CDH4: variants seen among roughly 807,000 people sequenced by gnomAD.
CDH4 encodes the protein cadherin 4.
A neutral mutation model predicts 86.0 loss-of-function variants in CDH4; 33 were observed. The ratio of observed to expected loss-of-function variants is 0.38; its 90% CI spans 0.29 to 0.51. The LOEUF (loss-of-function observed/expected upper bound fraction) is 0.51. Ranked by LOEUF, CDH4 falls within the 20% of genes least tolerant of loss-of-function variation. The pLI, the probability that CDH4 is intolerant of heterozygous loss-of-function variation, is 0.86. For synonymous variants in CDH4, 555 were observed against 549.4 expected (o/e 1.01, Z -0.14); for missense variants, 1,114 against 1,307.4 (o/e 0.85, Z 2.28).
intron 3 of CDH4, among the ~76,000 whole-genome samples, chr20:61,766,312 C>G (rs74755259): frequency 6.6e-6 from 1 of 152,074 alleles, no homozygotes; most frequent in African/African-American, 2.4e-5. Flanking sequence ...TGGGACACCC[C>G]GAGTTCGCCT....
chr20:61,929,857 G>T lies in CDH4; in HGVS notation c.2239+15G>T, dbSNP rs1461931633. Reference sequence around the variant, plus strand: ...CATCCTGCTGAGTGAGTGTGGCTGAGCACCAGGGTGGGCAGGGGCATTGTG... The same window carrying T: ...CATCCTGCTGAGTGAGTGTGGCTGATCACCAGGGTGGGCAGGGGCATTGTG... On this transcript the variant is annotated intron_variant, in intron 13 of 15. Transcript: ENST00000614565. 1 of 1,604,942 alleles carries T rather than the reference G, an allele frequency of 6.2e-7. No individual in the cohort carries two copies. Among genetic ancestry groups the T allele is most frequent in the Non-Finnish European group, 8.5e-7 (1 of 1,172,174 alleles).
intron 1 of CDH4, among the ~76,000 whole-genome samples, chr20:61,253,822 C>G (rs1222328145): frequency 6.6e-6 from 1 of 152,024 alleles, no homozygotes; most frequent in Non-Finnish European, 1.5e-5. Context: ...GGGCGGGCGA[C>G]GGCAGCGCGC....
intron 2 of CDH4, among the ~76,000 whole-genome samples, chr20:61,578,939 G>A (rs1035117514): frequency 2.0e-5 from 3 of 152,156 alleles, no homozygotes; most frequent in South Asian, 2.1e-4. Flanking sequence ...ATTCGGTCTT[G>A]TGGGAAGGAA....
intron 2 of CDH4, among the ~76,000 whole-genome samples, chr20:61,710,910 T>C (rs538130100): frequency 1.3e-5 from 2 of 152,356 alleles, no homozygotes; most frequent in South Asian, 2.1e-4. Flanking sequence ...TTCCTGTCAC[T>C]GCTCTAACAA....
intron 2 of CDH4, among the ~76,000 whole-genome samples, chr20:61,507,048 CGTTTTG>C (rs2085745933): frequency 6.6e-6 from 1 of 152,160 alleles, no homozygotes; most frequent in Non-Finnish European, 1.5e-5. Flanking sequence ...AAATATGCCC[CGTTTTG>C]AGACTTTTGA....
In CDH4 at chr20:61,811,067, G is replaced by A. The variant is rs1223010928; in HGVS notation, c.577-33601G>A. On this transcript the variant is annotated intron_variant, in intron 4 of 15. Transcript: ENST00000614565. This position sits in a 1 kb window ranked among gnomAD's most constrained non-coding sequence, Gnocchi z 4.4. ...CGCGGTGCTGACTGCCGCATCCTCAGCAGCCGCGCCACATCCTCAGCAGCC... is the reference window on the plus strand; with the variant it reads ...CGCGGTGCTGACTGCCGCATCCTCAACAGCCGCGCCACATCCTCAGCAGCC... 6.6e-6 allele frequency among the ~76,000 whole-genome samples: 1 copy of A among 152,148 alleles called. No homozygotes were observed. Among genetic ancestry groups the A allele is most frequent in the Non-Finnish European group, 1.5e-5 (1 of 68,032 alleles).
intron 2 of CDH4, among the ~76,000 whole-genome samples, chr20:61,466,317 C>G (rs1016039307): frequency 6.6e-6 from 1 of 152,172 alleles, no homozygotes. Flanking sequence ...CCAAGATAGG[C>G]GGCTTTGCTG....
At chr20:61,893,690 G>GTGGA (rs1176316883) in intron 7 of CDH4, among the ~76,000 whole-genome samples, 5 of 146,930 alleles carry the variant, frequency 3.4e-5, no homozygotes, top group African/African-American at 1.3e-4. Context: ...GAGTGGGTGA[G>GTGGA]TGGATGGATG....
In CDH4 at chr20:61,839,082, G is replaced by A. The variant is rs76233251; in HGVS notation, c.577-5586G>A. Among the ~76,000 whole-genome samples, 1,115 of 152,268 alleles carry A rather than the reference G, an allele frequency of 7.3e-3. 33 individuals are homozygous for A. The East Asian group carries it at 0.098, about 13-fold the overall frequency. On this transcript the variant is annotated intron_variant, in intron 4 of 15. Transcript: ENST00000614565. ...TCTGTTTTCCTGGGAACATCTCTGG[G>A]CTTAATATCATAGAAGGAGAAAGCT...
chr20:61,732,996 C>T (rs1229457835), intron 2 of CDH4, among the ~76,000 whole-genome samples: 2 of 152,176 alleles, frequency 1.3e-5, no homozygotes, highest in African/African-American at 4.8e-5. Flanking sequence ...TTCTCCCCCT[C>T]TAGACCCCAG....
intron 2 of CDH4, among the ~76,000 whole-genome samples, chr20:61,662,651 C>G (rs1345945964): frequency 6.6e-6 from 1 of 152,208 alleles, no homozygotes; most frequent in Non-Finnish European, 1.5e-5. Flanking sequence ...ACTCAGTCCC[C>G]AGGCTGATTA....
chr20:61,569,722 C>G (rs546796447), intron 2 of CDH4, among the ~76,000 whole-genome samples: 11 of 152,258 alleles, frequency 7.2e-5, no homozygotes, highest in Admixed American at 2.0e-4. Context: ...AATCAAGATG[C>G]CATCCCAGAG....
At chr20:61,547,757 T>C (rs1045237858) in intron 2 of CDH4, among the ~76,000 whole-genome samples, 4 of 152,228 alleles carry the variant, frequency 2.6e-5, no homozygotes, top group Admixed American at 6.5e-5. Flanking sequence ...GGAATGGCCC[T>C]GTTGCCACTT....
intron 2 of CDH4, among the ~76,000 whole-genome samples, chr20:61,429,394 G>A (rs1237710629): frequency 6.6e-6 from 1 of 152,184 alleles, no homozygotes; most frequent in Non-Finnish European, 1.5e-5. Flanking sequence ...CTAGTGATTA[G>A]GTTCCAGTTT....
In CDH4 at chr20:61,383,246, TTATA is replaced by T. The variant is rs1308164628; in HGVS notation, c.169+128313_169+128316del. On this transcript the variant is annotated intron_variant, in intron 2 of 15. Transcript: ENST00000614565. ...ATATTATATATATGAATATATATGA[TTATA>T]TATGAATATATGTGATATATATGAA... Among the ~76,000 whole-genome samples the T allele has an allele frequency of 9.9e-5, 6 of 60,406 alleles. 1 individual carries two copies. Among genetic ancestry groups the T allele is most frequent in the Admixed American group, 4.8e-4 (3 of 6,190 alleles). 39.6% of individuals were successfully genotyped at this position (60,406 alleles called of 152,430 possible).
intron 4 of CDH4, among the ~76,000 whole-genome samples, chr20:61,792,028 C>A (rs1317903812): frequency 6.6e-6 from 1 of 152,156 alleles, no homozygotes; most frequent in Non-Finnish European, 1.5e-5. Flanking sequence ...CCCTGGATGC[C>A]TTTGGCTGCC....
Position 61,829,131 on chromosome 20 carries a change from G to A in CDH4, c.577-15537G>A, listed in dbSNP as rs572985395. ...TCCTAACAGGCCACAGACCGGTACCGGGTTGGGGACCCTGCTTTAAGCAGT... is the reference window on the plus strand; with the variant it reads ...TCCTAACAGGCCACAGACCGGTACCAGGTTGGGGACCCTGCTTTAAGCAGT... On this transcript the variant is annotated intron_variant, in intron 4 of 15. Transcript: ENST00000614565. The surrounding 1 kb of genome is among the most constrained non-coding windows in gnomAD (Gnocchi z 4.2). Among the ~76,000 whole-genome samples, 65 of 152,332 alleles carry A rather than the reference G, an allele frequency of 4.3e-4. No individual in the cohort carries two copies. The highest frequency in any genetic ancestry group is 1.0e-3 in the Admixed American group (16 of 15,312).
In CDH4 at chr20:61,321,386, C is replaced by A. The variant is rs1600864316; in HGVS notation, c.169+66449C>A. Among the ~76,000 whole-genome samples, 9 of 152,080 alleles carry A rather than the reference C, an allele frequency of 5.9e-5. No homozygotes were observed. In the South Asian group the frequency reaches 1.9e-3, roughly 32 times the overall value. Reference sequence around the variant, plus strand: ...ACAAAAAACGGCTTGATTATCTTTGCTTTTTTGCTGGAAATTTTTTTTTAA... The same window carrying A: ...ACAAAAAACGGCTTGATTATCTTTGATTTTTTGCTGGAAATTTTTTTTTAA... On this transcript the variant is annotated intron_variant, in intron 2 of 15. Coordinates refer to ENST00000614565, the MANE Select transcript of CDH4 (RefSeq NM_001794.5).
Position 61,397,405 on chromosome 20 carries a change from G to A in CDH4, c.169+142468G>A, listed in dbSNP as rs190370827. Among the ~76,000 whole-genome samples the A allele has an allele frequency of 1.1e-4, 16 of 152,022 alleles. No individual in the cohort carries two copies. In the East Asian group the frequency reaches 2.1e-3, roughly 20 times the overall value. On this transcript the variant is annotated intron_variant, in intron 2 of 15. Coordinates refer to ENST00000614565, the MANE Select transcript of CDH4 (RefSeq NM_001794.5). The stretch of plus-strand genomic sequence containing the variant: ...TGAAACTTCACCCAACTGTGTTCAC[G>A]ACCTTCAGGCTTCCTTGCGCATATC...
Sources: allele counts gnomAD v4.1 joint callset (sites outside exome capture counted in the v4.1 genomes callset), GRCh38; gene constraint gnomAD v4.1.1; non-coding constraint Gnocchi (gnomAD v3.1); transcripts MANE v1.5; gene names NCBI Gene and HGNC (gene_info 2026-07-23, HGNC 2026-07-21).